Variants in LBP observed in about 807,000 individuals in gnomAD.
The protein encoded by LBP is lipopolysaccharide-binding protein.
A neutral mutation model predicts 56.6 loss-of-function variants in LBP; 53 were observed. The observed-to-expected ratio is 0.94, with a 90% CI of 0.75 to 1.18. The LOEUF is 1.18. LBP is among the 50% of genes most tolerant of loss of function. The pLI, the probability that LBP is intolerant of heterozygous loss-of-function variation, is 0.00. For synonymous variants in LBP, 227 were observed against 247.5 expected (o/e 0.92, Z 0.78); for missense variants, 601 against 598.3 (o/e 1.00, Z -0.05).
At chr20:38,355,457 A>T in intron 5 of LBP, 48 bp downstream of exon 5, 1 of 1,514,140 alleles carries the variant, frequency 6.6e-7, no homozygotes. Context: ...GCGAGGGCTG[A>T]ATGGAAGACC....
chr20:38,347,614 C>G (rs564497707), intron 1 of LBP, among the ~76,000 whole-genome samples: 1 of 152,186 alleles, frequency 6.6e-6, no homozygotes. Flanking sequence ...TGAAACAAAG[C>G]CTCCCGACTA....
Position 38,360,711 on chromosome 20 carries a change from A to G in LBP, c.596A>G (p.Glu199Gly), listed in dbSNP as rs764782091. Residue 199 changes from glutamate to glycine, a missense_variant, in exon 6 of 15, where the codon GAA (glutamate) becomes GGA (glycine). Physicochemically the swap from Glu to Gly is moderately conservative, Grantham distance 98. Coordinates refer to ENST00000217407, the MANE Select transcript of LBP (RefSeq NM_004139.5). ...FQKVLESRIC[E>G]MIQKSVSSDL... ...TCTTCCCATGTTTTTCAGATTTGCG[A>G]AATGATCCAGAAATCAGTGTCCTCC... 34 of 1,612,696 alleles carry G rather than the reference A, an allele frequency of 2.1e-5. No individual in the cohort carries two copies. In the South Asian group the frequency reaches 3.7e-4, roughly 18 times the overall value.
At chr20:38,355,455 T>TTCCATTCAGCCCTC in intron 5 of LBP, 46 bp downstream of exon 5, 1 of 1,531,770 alleles carries the variant, frequency 6.5e-7, no homozygotes, top group Non-Finnish European at 9.0e-7. Flanking sequence ...TGGCGAGGGC[T>TTCCATTCAGCCCTC]GAATGGAAGA....
intron 3 of LBP, among the ~76,000 whole-genome samples, chr20:38,353,695 T>G (rs2076828618): frequency 6.6e-6 from 1 of 152,110 alleles, no homozygotes; most frequent in African/African-American, 2.4e-5. Flanking sequence ...AGCCACAGTG[T>G]CTGGGACTTC....
At chr20:38,376,347 AAG>A (rs1276451027) in intron 14 of LBP, among the ~76,000 whole-genome samples, 1 of 152,126 alleles carries the variant, frequency 6.6e-6, no homozygotes, top group Non-Finnish European at 1.5e-5. Context: ...TTATTTGCCA[AAG>A]AGAGAAAATT....
rs770207577 is a variant in LBP at position 38,355,399 on chromosome 20, T to C, written c.578T>C (p.Leu193Pro). 2.5e-6 allele frequency: 4 copies of C among 1,613,568 alleles called. No homozygotes were observed. The Admixed American group carries it at 6.7e-5, about 27-fold the overall frequency. Residue 193 changes from leucine to proline, a missense_variant, in exon 5 of 15, where the codon CTG becomes CCG. Physicochemically the swap from Leu to Pro is moderately conservative, Grantham distance 98 (BLOSUM62 -3). Coordinates refer to ENST00000217407, the MANE Select transcript of LBP (RefSeq NM_004139.5). ...ATTGAGTCCAAGTTCCAGAAAGTAC[T>C]GGAGAGCAGGGTAAGAAGGTCCAAG... is the stretch of plus-strand genomic sequence containing the variant. Reference protein sequence around the residue: ...NQIESKFQKVLESRICEMIQK... With the variant: ...NQIESKFQKVPESRICEMIQK...
chr20:38,368,249 G>GA lies in LBP; in HGVS notation c.982-740dup, dbSNP rs1455314459. On this transcript the variant is annotated intron_variant, in intron 9 of 14. Transcript: ENST00000217407. ...AAACCTTGGGAGAGGTAGGGAGGGA[G>GA]AAAAAATGGGCCCAACTTTTCTGGA... is the stretch of plus-strand genomic sequence containing the variant. 4.6e-5 allele frequency among the ~76,000 whole-genome samples: 7 copies of GA among 152,146 alleles called. No homozygotes were observed. The South Asian group carries it at 1.5e-3, about 32-fold the overall frequency.
chr20:38,362,053 C>CTTTTTTT (rs1229689650), intron 6 of LBP, among the ~76,000 whole-genome samples: 10 of 117,668 alleles, frequency 8.5e-5, no homozygotes, highest in Non-Finnish European at 1.1e-4. Flanking sequence ...TTTTTGTTTT[C>CTTTTTTT]TTTTTTTTTT....
At position 38,350,890 on chromosome 20, in the gene LBP, G is replaced by C; in HGVS notation, c.319G>C (p.Asp107His). ...PGQGLSLSIS[D>H]SSIRVQGRWK... The stretch of plus-strand genomic sequence containing the variant: ...CCAGGGCCTGAGTCTCAGCATCTCC[G>C]ACTCCTCCATCCGGGTCCAGGGCAG... Residue 107 changes from aspartate to histidine, a missense_variant, in exon 3 of 15, where the codon GAC (aspartate) becomes CAC (histidine). Coordinates refer to ENST00000217407, the MANE Select transcript of LBP (RefSeq NM_004139.5). 1.2e-6 allele frequency: 2 copies of C among 1,614,040 alleles called. No homozygotes were observed. Among genetic ancestry groups the C allele is most frequent in the Non-Finnish European group, 1.7e-6 (2 of 1,179,946 alleles).
intron 5 of LBP, among the ~76,000 whole-genome samples, chr20:38,357,925 T>A (rs2076846977): frequency 6.6e-6 from 1 of 152,218 alleles, no homozygotes; most frequent in Non-Finnish European, 1.5e-5. Flanking sequence ...ATAATTAACA[T>A]ATAATGAGCA....
chr20:38,360,597 C>G, intron 5 of LBP, 107 bp from the exon 6 acceptor site: 1 of 706,888 alleles, frequency 1.4e-6, no homozygotes. Flanking sequence ...ATTTGTAAAT[C>G]AGTGATCACT....
chr20:38,375,306 G>C lies in LBP; in HGVS notation c.1401+1293G>C, dbSNP rs551138867. The stretch of plus-strand genomic sequence containing the variant: ...TTAAAACAAATTTTTTTTTAGGCCA[G>C]GAGCGGTGGTTCATGCCTGTAACCC... On this transcript the variant is annotated intron_variant, in intron 14 of 14. Transcript: ENST00000217407. 1.8e-4 allele frequency among the ~76,000 whole-genome samples: 27 copies of C among 151,122 alleles called. No homozygotes were observed. The South Asian group carries it at 5.6e-3, about 32-fold the overall frequency.
Position 38,373,996 on chromosome 20 carries a change from G to A in LBP, c.1384G>A (p.Gly462Arg). 1 of 1,614,114 alleles carries A rather than the reference G, an allele frequency of 6.2e-7. No homozygotes were observed. Among genetic ancestry groups the A allele is most frequent in the African/African-American group, 1.3e-5 (1 of 75,054 alleles). The part of the protein sequence containing the change: ...LLKRVQLYDL[G>R]LQIHKDFLFL... ...GAAGCGTGTTCAGCTCTACGACCTT[G>A]GGCTGCAGATCCATAAGGTCGGTGG... The change falls in exon 14 of 15, where the codon GGG becomes AGG. Residue 462 changes from glycine (G) to arginine (R), a missense_variant. Transcript: ENST00000217407.
intron 13 of LBP, among the ~76,000 whole-genome samples, chr20:38,373,470 G>A (rs527445962): frequency 5.9e-5 from 9 of 152,312 alleles, no homozygotes; most frequent in East Asian, 3.9e-4. Context: ...CAAGGCAGCC[G>A]CCTCTGAACT....
rs765368088 is a variant in LBP, at chr20:38,364,101, C to G, written c.744+35C>G. The stretch of plus-strand genomic sequence containing the variant: ...CTGGGGCCGGGCTGCGTGGGTGAGG[C>G]TTTCCCTCAGGGTCAGCCATTCTTT... On this transcript the variant is annotated intron_variant, in intron 7 of 14. Transcript: ENST00000217407. The G allele has an allele frequency of 2.0e-5, 29 of 1,448,688 alleles. No individual in the cohort carries two copies. The East Asian group carries it at 6.6e-4, about 33-fold the overall frequency. The allele number at this position is 1,448,688 out of a possible 1,614,324, so 89.7% of individuals were successfully genotyped here.
chr20:38,354,403 T>A lies in LBP; in HGVS notation c.488T>A (p.Ile163Asn), dbSNP rs374133105. 8.1e-6 allele frequency: 13 copies of A among 1,613,154 alleles called. No homozygotes were observed. The African/African-American group carries it at 1.7e-4, about 22-fold the overall frequency. Residue 163 changes from isoleucine to asparagine, a missense_variant, in exon 4 of 15, where the codon ATC becomes AAC. Physicochemically the swap from Ile to Asn is moderately radical, Grantham distance 149. Transcript: ENST00000217407. Reference protein sequence around the residue: ...TVTASSCSSDIADVEVDMSGD... With the variant: ...TVTASSCSSDNADVEVDMSGD... ...ACTGCCTCCAGCTGCAGCAGTGACA[T>A]CGCTGACGTGGAGGTGGACATGTCG...
rs1044438262 is a variant in LBP at position 38,364,486 on chromosome 20, G to A, written c.745-90G>A. 1.8e-5 allele frequency: 21 copies of A among 1,196,066 alleles called. No homozygotes were observed. In the South Asian group the frequency reaches 2.1e-4, roughly 12 times the overall value. The allele number at this position is 1,196,066 out of a possible 1,614,324, so 74.1% of individuals were successfully genotyped here. A position where few individuals can be genotyped will look rare whatever the true frequency, so the allele number is the denominator to read the frequency against. ...AGTTTCAGGCAGTGTTCCAGCCAGC[G>A]TCCCTTCATCGGACTGTGTAGGGGA... On this transcript the variant is annotated intron_variant, in intron 7 of 14. Coordinates refer to ENST00000217407, the MANE Select transcript of LBP (RefSeq NM_004139.5).
chr20:38,364,801 C>A, intron 8 of LBP, 49 bp downstream of exon 8: 3 of 1,510,450 alleles, frequency 2.0e-6, no homozygotes, highest in Non-Finnish European at 1.8e-6. Flanking sequence ...TAACCTACCG[C>A]TCCTTCCTTC....
At chr20:38,364,483 A>G in intron 7 of LBP, 93 bp from the exon 8 acceptor site, 1 of 1,167,444 alleles carries the variant, frequency 8.6e-7, no homozygotes, top group Admixed American at 1.7e-5. Flanking sequence ...TGTTCCAGCC[A>G]GCGTCCCTTC....
Sources: allele counts gnomAD v4.1 joint callset (sites outside exome capture counted in the v4.1 genomes callset), GRCh38; gene constraint gnomAD v4.1.1; transcripts MANE v1.5; gene names NCBI Gene and HGNC (gene_info 2026-07-23, HGNC 2026-07-21).